Variants in ZNF135 observed in about 807,000 individuals in gnomAD.
ZNF135 encodes the protein zinc finger protein 135 (clone pHZ-17).
In ZNF135, 11 loss-of-function variants were observed where a neutral mutation model predicts 12.3. That is an observed-to-expected ratio of 0.89 (90% CI 0.56 to 1.48). ZNF135 has a LOEUF of 1.48. Among genes scored for constraint, ZNF135 ranks in the 40% most tolerant of loss-of-function variants. The probability of loss-of-function intolerance (pLI) is 0.00; values close to 1 mark genes in which losing one functional copy is unlikely to be tolerated. For missense variants in ZNF135, 722 were observed against 815.7 expected (o/e 0.89, Z 1.40); for synonymous variants, 316 against 312.0 (o/e 1.01, Z -0.14).
In ZNF135 at chr19:58,068,648, G is replaced by A. The variant is rs1387651941; in HGVS notation, c.*187G>A. 1.1e-5 allele frequency: 7 copies of A among 637,590 alleles called. No homozygotes were observed. The East Asian group carries it at 1.9e-4, about 18-fold the overall frequency. The allele number at this position is 637,590 out of a possible 1,614,324, so 39.5% of individuals were successfully genotyped here. ...ATGACCATGGGACCACCAAGCTCTA[G>A]GTCATCCATCTCTGCATCCAAATAG... On this transcript the variant is annotated 3_prime_UTR_variant, in exon 5 of 5. Transcript: ENST00000313434.
In ZNF135 at chr19:58,066,829, A is replaced by G. The variant is rs949445149; in HGVS notation, c.345A>G (p.Arg115=). The G allele has an allele frequency of 1.1e-5, 17 of 1,614,100 alleles. No individual in the cohort carries two copies. Among genetic ancestry groups the G allele is most frequent in the Non-Finnish European group, 1.4e-5 (17 of 1,180,046 alleles). Residue 115 remains arginine (R), a synonymous_variant, in exon 5 of 5, where the codon AGA becomes AGG. Coordinates refer to ENST00000313434, the MANE Select transcript of ZNF135 (RefSeq NM_001289401.2). ...EISNSVILVE[R]FLWDGLWYCR... ...CCAACAGTGTCATCTTGGTAGAAAG[A>G]TTCCTGTGGGATGGTCTGTGGTACT...
chr19:58,059,457 G>A lies in ZNF135; in HGVS notation c.-35+147G>A, dbSNP rs1395424876. The stretch of plus-strand genomic sequence containing the variant: ...TGTGGAGTCCGTTTTGCTGCCCGGG[G>A]CCTGGGGAAGGCCGTTTCGGGGCTG... On this transcript the variant is annotated intron_variant, in intron 1 of 4. Coordinates refer to ENST00000313434, the MANE Select transcript of ZNF135 (RefSeq NM_001289401.2). This position sits in a 1 kb window ranked among gnomAD's most constrained non-coding sequence, Gnocchi z 6.5. 2.2e-5 allele frequency: 20 copies of A among 901,636 alleles called. No homozygotes were observed. The highest frequency in any genetic ancestry group is 7.1e-5 in the Admixed American group (2 of 28,356). 55.9% of individuals were successfully genotyped at this position (901,636 alleles called of 1,614,324 possible).
In ZNF135 at chr19:58,059,771, C is replaced by G; in HGVS notation, c.-34-198C>G. Reference sequence around the variant, plus strand: ...TCCGCACCCGCCAGGCCTTCAGCTTCCCTCAGACAGGCGGGAAAACCCTAG... The same window carrying G: ...TCCGCACCCGCCAGGCCTTCAGCTTGCCTCAGACAGGCGGGAAAACCCTAG... On this transcript the variant is annotated intron_variant, in intron 1 of 4. Coordinates refer to ENST00000313434, the MANE Select transcript of ZNF135 (RefSeq NM_001289401.2). The surrounding 1 kb of genome is among the most constrained non-coding windows in gnomAD (Gnocchi z 6.5). 1 of 640,910 alleles carries G rather than the reference C, an allele frequency of 1.6e-6. No homozygotes were observed. Among genetic ancestry groups the G allele is most frequent in the Non-Finnish European group, 2.6e-6 (1 of 380,262 alleles). The allele number at this position is 640,910 out of a possible 1,614,324, so 39.7% of individuals were successfully genotyped here.
Position 58,060,988 on chromosome 19 carries a change from G to C in ZNF135, c.34-592G>C, listed in dbSNP as rs1808397. Among the ~76,000 whole-genome samples the C allele has an allele frequency of 0.28, 42,016 of 151,760 alleles. 5,849 individuals are homozygous for C. The highest frequency in any genetic ancestry group is 0.29 in the African/African-American group (12,119 of 41,346). On this transcript the variant is annotated intron_variant, in intron 2 of 4. Transcript: ENST00000313434. This position sits in a 1 kb window ranked among gnomAD's most constrained non-coding sequence, Gnocchi z 4.9. ...AAAAATACAAAAAAAAATTAGCCGG[G>C]GGGGTGGCGGGCGCCTGTAGTCCCA...
Position 58,061,665 on chromosome 19 carries a change from G to T in ZNF135, c.119G>T (p.Arg40Leu). 1 of 1,613,388 alleles carries T rather than the reference G, an allele frequency of 6.2e-7. No homozygotes were observed. Among genetic ancestry groups the T allele is most frequent in the Non-Finnish European group, 8.5e-7 (1 of 1,179,700 alleles). ...AAGCCTGCCCAGAGGACCCTGTACC[G>T]TGATGTAATGCTGGACACCTTCAGG... is the stretch of plus-strand genomic sequence containing the variant. ...QLKPAQRTLY[R>L]DVMLDTFRLL... The change falls in exon 3 of 5, where the codon CGT becomes CTT. Residue 40 changes from arginine to leucine, a missense_variant. Transcript: ENST00000313434.
intron 3 of ZNF135, among the ~76,000 whole-genome samples, 185 bp downstream of exon 3, chr19:58,061,891 A>T (rs2073988555): frequency 6.6e-6 from 1 of 152,186 alleles, no homozygotes; most frequent in African/African-American, 2.4e-5. Flanking sequence ...CAAGTCTCAG[A>T]CTCAACCTGA....
chr19:58,065,468 T>A lies in ZNF135; in HGVS notation c.257-1273T>A, dbSNP rs903498349. Among the ~76,000 whole-genome samples the A allele has an allele frequency of 1.3e-5, 2 of 152,218 alleles. No individual in the cohort carries two copies. Among genetic ancestry groups the A allele is most frequent in the African/African-American group, 4.8e-5 (2 of 41,454 alleles). On this transcript the variant is annotated intron_variant, in intron 4 of 4. Transcript: ENST00000313434. The surrounding 1 kb of genome is among the most constrained non-coding windows in gnomAD (Gnocchi z 4.0). ...ACCTCAGCTGCCCAAAGTGTTGAGATTACAGGCATGAGGCCCTGTGCCTGG... is the reference window on the plus strand; with the variant it reads ...ACCTCAGCTGCCCAAAGTGTTGAGAATACAGGCATGAGGCCCTGTGCCTGG...
chr19:58,067,680 A>T lies in ZNF135; in HGVS notation c.1196A>T (p.Gln399Leu). 1 of 1,613,644 alleles carries T rather than the reference A, an allele frequency of 6.2e-7. No homozygotes were observed. Among genetic ancestry groups the T allele is most frequent in the Non-Finnish European group, 8.5e-7 (1 of 1,179,930 alleles). Residue 399 changes from glutamine (Q) to leucine (L), a missense_variant, in exon 5 of 5, where the codon CAG (glutamine) becomes CTG (leucine). Transcript: ENST00000313434. The stretch of plus-strand genomic sequence containing the variant: ...TTCACCCAGATCACACCACTGATTC[A>T]GCACCAGAGGACCCACACAGGAGAA... The part of the protein sequence containing the change: ...KAFTQITPLI[Q>L]HQRTHTGEKP...
rs771618225 is a variant in ZNF135, at chr19:58,060,074, G to A, written c.33+39G>A. 2.5e-6 allele frequency: 4 copies of A among 1,611,800 alleles called. No homozygotes were observed. The highest frequency in any genetic ancestry group is 2.7e-5 in the African/African-American group (2 of 74,948). ...CCTCCTTGCGCGTGTCCTCCACCTCGTGCCCGGCCTCCTCGCGCGCGGCCT... is the reference window on the plus strand; with the variant it reads ...CCTCCTTGCGCGTGTCCTCCACCTCATGCCCGGCCTCCTCGCGCGCGGCCT... On this transcript the variant is annotated intron_variant, in intron 2 of 4. Transcript: ENST00000313434. This position sits in a 1 kb window ranked among gnomAD's most constrained non-coding sequence, Gnocchi z 4.9.
In ZNF135 at chr19:58,060,990, G is replaced by T. The variant is rs1365913389; in HGVS notation, c.34-590G>T. On this transcript the variant is annotated intron_variant, in intron 2 of 4. Transcript: ENST00000313434. This position sits in a 1 kb window ranked among gnomAD's most constrained non-coding sequence, Gnocchi z 4.9. ...AAATACAAAAAAAAATTAGCCGGGG[G>T]GGTGGCGGGCGCCTGTAGTCCCAGC... 3.3e-5 allele frequency among the ~76,000 whole-genome samples: 5 copies of T among 151,964 alleles called. No homozygotes were observed. The highest frequency in any genetic ancestry group is 6.6e-5 in the Admixed American group (1 of 15,264).
rs748163935 is a variant in ZNF135 at position 58,067,765 on chromosome 19, G to C, written c.1281G>C (p.Glu427Asp). The stretch of plus-strand genomic sequence containing the variant: ...TCAGTCAGAGCACACTCCTGACCGA[G>C]CATCGGAGGATTCACACAGGAGAGA... ...KAFSQSTLLT[E>D]HRRIHTGEKP... Residue 427 changes from glutamate (E) to aspartate (D), a missense_variant, in exon 5 of 5, where the codon GAG becomes GAC. Coordinates refer to ENST00000313434, the MANE Select transcript of ZNF135 (RefSeq NM_001289401.2). 6.8e-6 allele frequency: 11 copies of C among 1,613,952 alleles called. No individual in the cohort carries two copies. Among genetic ancestry groups the C allele is most frequent in the Non-Finnish European group, 9.3e-6 (11 of 1,180,004 alleles).
chr19:58,063,401 G>A lies in ZNF135; in HGVS notation c.161-45G>A, dbSNP rs2074013612. On this transcript the variant is annotated intron_variant, in intron 3 of 4. Transcript: ENST00000313434. This position sits in a 1 kb window ranked among gnomAD's most constrained non-coding sequence, Gnocchi z 4.4. ...TGGAATGGGCTGAGGCTCAGGAAGGGTCCTGGGATACAAATGCTCACTCTA... is the reference window on the plus strand; with the variant it reads ...TGGAATGGGCTGAGGCTCAGGAAGGATCCTGGGATACAAATGCTCACTCTA... The A allele has an allele frequency of 6.2e-7, 1 of 1,611,968 alleles. No individual in the cohort carries two copies. Among genetic ancestry groups the A allele is most frequent in the Non-Finnish European group, 8.5e-7 (1 of 1,178,866 alleles).
At position 58,060,306 on chromosome 19, in the gene ZNF135, C is replaced by T. The variant is rs1240542265; in HGVS notation, c.33+271C>T. On this transcript the variant is annotated intron_variant, in intron 2 of 4. Coordinates refer to ENST00000313434, the MANE Select transcript of ZNF135 (RefSeq NM_001289401.2). The surrounding 1 kb of genome is among the most constrained non-coding windows in gnomAD (Gnocchi z 4.9). ...TGCACATCTAGCCTCTACTCGTGTC[C>T]GGCCTCTACCTGCACACCCGGCCTC... 2.9e-6 allele frequency: 4 copies of T among 1,364,234 alleles called. No homozygotes were observed. Among genetic ancestry groups the T allele is most frequent in the Non-Finnish European group, 3.8e-6 (4 of 1,055,284 alleles). 84.5% of individuals were successfully genotyped at this position (1,364,234 alleles called of 1,614,324 possible).
chr19:58,066,717 A>G (rs753195431), intron 4 of ZNF135, 24 bp from the exon 5 acceptor site: 11 of 1,611,910 alleles, frequency 6.8e-6, no homozygotes, highest in South Asian at 1.1e-5. Flanking sequence ...ATTAAGGGAC[A>G]TTTCCAGTTT....
At chr19:58,066,581 C>T (rs1387441706) in intron 4 of ZNF135, 160 bp from the exon 5 acceptor site, 5 of 916,370 alleles carry the variant, frequency 5.5e-6, no homozygotes, top group South Asian at 3.8e-5. Context: ...CCCTCTCTTC[C>T]TTTCCTGGTT....
Position 58,061,745 on chromosome 19 carries a change from T to C in ZNF135, c.160+39T>C, listed in dbSNP as rs745405075. 5.1e-6 allele frequency: 8 copies of C among 1,569,222 alleles called. No individual in the cohort carries two copies. In the South Asian group the frequency reaches 8.4e-5, roughly 16 times the overall value. On this transcript the variant is annotated intron_variant, in intron 3 of 4. Coordinates refer to ENST00000313434, the MANE Select transcript of ZNF135 (RefSeq NM_001289401.2). ...CATGTCCTATCTGTTGATCTGTCCC[T>C]GACACGGATTCTGATTCTACCAGGT...
intron 2 of ZNF135, 28 bp from the exon 3 acceptor site, chr19:58,061,552 G>C (rs771799619): frequency 7.5e-6 from 12 of 1,599,878 alleles, no homozygotes; most frequent in Non-Finnish European, 1.0e-5. Flanking sequence ...GGGTTGGCTT[G>C]GCTGAGGACA....
At position 58,060,368 on chromosome 19, in the gene ZNF135, C is replaced by T; in HGVS notation, c.33+333C>T. On this transcript the variant is annotated intron_variant, in intron 2 of 4. Transcript: ENST00000313434. The surrounding 1 kb of genome is among the most constrained non-coding windows in gnomAD (Gnocchi z 4.9). ...GCCAAGCTCCCCAACCACAGCCTGCCTCTGAAAGGACCGCCCACGCCGCGC... is the reference window on the plus strand; with the variant it reads ...GCCAAGCTCCCCAACCACAGCCTGCTTCTGAAAGGACCGCCCACGCCGCGC... The T allele has an allele frequency of 7.9e-7, 1 of 1,267,584 alleles. No homozygotes were observed. Among genetic ancestry groups the T allele is most frequent in the Non-Finnish European group, 1.0e-6 (1 of 998,294 alleles). 78.5% of individuals were successfully genotyped at this position (1,267,584 alleles called of 1,614,324 possible).
In ZNF135 at chr19:58,060,183, G is replaced by T; in HGVS notation, c.33+148G>T. On this transcript the variant is annotated intron_variant, in intron 2 of 4. Coordinates refer to ENST00000313434, the MANE Select transcript of ZNF135 (RefSeq NM_001289401.2). The surrounding 1 kb of genome is among the most constrained non-coding windows in gnomAD (Gnocchi z 4.9). ...TGCCCGGCCCCTACTTGCGTGCCCG[G>T]CCCCTACTCGTGCCCGGCCTCTACT... is the stretch of plus-strand genomic sequence containing the variant. 1 of 1,506,758 alleles carries T rather than the reference G, an allele frequency of 6.6e-7. No homozygotes were observed. The highest frequency in any genetic ancestry group is 1.3e-5 in the South Asian group (1 of 79,096). The allele number at this position is 1,506,758 out of a possible 1,614,324, so 93.3% of individuals were successfully genotyped here.
Sources: allele counts gnomAD v4.1 joint callset (sites outside exome capture counted in the v4.1 genomes callset), GRCh38; gene constraint gnomAD v4.1.1; non-coding constraint Gnocchi (gnomAD v3.1); transcripts MANE v1.5; gene names NCBI Gene and HGNC (gene_info 2026-07-23, HGNC 2026-07-21).